The following DLG3 variants were observed in gnomAD, a reference collection of about 807,000 sequenced individuals.
DLG3 encodes the protein disks large homolog 3.
DLG3 carries 1 observed loss-of-function variant against 64.1 expected under a neutral mutation model. The ratio of observed to expected loss-of-function variants is 0.02; its 90% CI spans 0.01 to 0.07. The LOEUF (loss-of-function observed/expected upper bound fraction) is 0.07, where lower values mean the gene tolerates loss of function less well. Ranked by LOEUF, DLG3 falls within the 10% of genes least tolerant of loss-of-function variation. The pLI, the probability that DLG3 is intolerant of heterozygous loss-of-function variation, is 1.00. For missense variants in DLG3, 429 were observed against 669.5 expected (o/e 0.64, Z 3.96); for synonymous variants, 245 against 259.8 (o/e 0.94, Z 0.55).
In DLG3 at chrX:70,466,219, C is replaced by G. The variant is rs998752751; in HGVS notation, c.1405+11903C>G. On this transcript the variant is annotated intron_variant, in intron 9 of 18. Transcript: ENST00000374360. Reference sequence around the variant, plus strand: ...TTCTTTTGTTAATAATAGGGTTGAACATTTGTGTGCAAGTGTTTCTTGGTC... The same window carrying G: ...TTCTTTTGTTAATAATAGGGTTGAAGATTTGTGTGCAAGTGTTTCTTGGTC... Among the ~76,000 whole-genome samples the G allele has an allele frequency of 3.0e-5, 3 of 101,476 alleles. No individual in the cohort carries two copies. The East Asian group carries it at 9.4e-4, about 32-fold the overall frequency. The allele number at this position is 101,476 out of a possible 115,157, so 88.1% of individuals were successfully genotyped here.
chrX:70,497,335 CATGT>C (rs2087473971), intron 13 of DLG3: 1 of 765,889 alleles, frequency 1.3e-6, no homozygotes, highest in African/African-American at 2.0e-5. Context: ...TTCTTTTAGC[CATGT>C]ACACTTTGAG....
intron 10 of DLG3, among the ~76,000 whole-genome samples, chrX:70,489,277 T>C (rs765308344): frequency 8.9e-6 from 1 of 112,203 alleles, no homozygotes; most frequent in African/African-American, 3.2e-5. Flanking sequence ...GCTGTATGTG[T>C]TTTAATTTTT....
chrX:70,475,736 G>A (rs2087043828), intron 9 of DLG3, among the ~76,000 whole-genome samples: 1 of 112,447 alleles, frequency 8.9e-6, no homozygotes, highest in African/African-American at 3.2e-5. Context: ...ACCAACAGTG[G>A]TATCTTCTGG....
chrX:70,452,620 C>G (rs1373283187), intron 7 of DLG3: 2 of 1,182,191 alleles, frequency 1.7e-6, no homozygotes. Flanking sequence ...GAGAGAGGAG[C>G]TATGGAGAGG....
chrX:70,461,499 C>T (rs2086799600), intron 9 of DLG3, among the ~76,000 whole-genome samples: 1 of 109,719 alleles, frequency 9.1e-6, no homozygotes. Flanking sequence ...TTTGTGTGCT[C>T]GGGGGGTTTA....
At chrX:70,452,795 A>G (rs1420294572) in intron 7 of DLG3, 11 of 1,101,360 alleles carry the variant, frequency 1.0e-5, no homozygotes, top group Non-Finnish European at 1.3e-5. Flanking sequence ...TCCGGGACTC[A>G]GGGAGGGAGT....
At chrX:70,493,421 T>C in intron 12 of DLG3, 1 of 1,209,543 alleles carries the variant, frequency 8.3e-7, no homozygotes, top group Non-Finnish European at 1.1e-6. Context: ...CTCTCGAAAG[T>C]TTCCATTTTA....
chrX:70,492,091 T>C lies in DLG3; in HGVS notation c.1521-16T>C. The C allele has an allele frequency of 8.5e-7, 1 of 1,170,033 alleles. No individual in the cohort carries two copies. Among genetic ancestry groups the C allele is most frequent in the South Asian group, 1.9e-5 (1 of 52,868 alleles). ...TAGGGTTGGATGATCACTTCATCTT[T>C]CACTGTGCCTTTCAGGGCCCTGTTT... is the stretch of plus-strand genomic sequence containing the variant. On this transcript the variant is annotated splice_polypyrimidine_tract_variant and intron_variant, in intron 10 of 18. Coordinates refer to ENST00000374360, the MANE Select transcript of DLG3 (RefSeq NM_021120.4).
intron 10 of DLG3, among the ~76,000 whole-genome samples, chrX:70,487,837 G>T (rs1349833348): frequency 9.3e-6 from 1 of 107,674 alleles, no homozygotes; most frequent in Admixed American, 1.0e-4. Flanking sequence ...TTTTAGTAGA[G>T]ACAGGGTTTC....
At chrX:70,482,595 A>G (rs771924970) in intron 10 of DLG3, among the ~76,000 whole-genome samples, 28 of 108,821 alleles carry the variant, frequency 2.6e-4, no homozygotes, top group Non-Finnish European at 4.9e-4. Flanking sequence ...GCTAGTAAAA[A>G]TACAGATTCC....
In DLG3 at chrX:70,445,120, CGGCGGCGGCGGTGGTGGCGGCGGT is replaced by C. The variant is rs2086551435; in HGVS notation, c.-71_-48del. 3 of 792,273 alleles carry C rather than the reference CGGCGGCGGCGGTGGTGGCGGCGGT, an allele frequency of 3.8e-6. No homozygotes were observed. The highest frequency in any genetic ancestry group is 3.7e-5 in the East Asian group (1 of 26,784). 65.3% of individuals were successfully genotyped at this position (792,273 alleles called of 1,213,427 possible). A position where few individuals can be genotyped will look rare whatever the true frequency, so the allele number is the denominator to read the frequency against. ...GTGAGTGTGCCAGGGAGCCCGGCGG[CGGCGGCGGCGGTGGTGGCGGCGGT>C]GGCGGCGGCGTGGAATCCGGCGTGG... On this transcript the variant is annotated 5_prime_UTR_variant, in exon 1 of 19. Coordinates refer to ENST00000374360, the MANE Select transcript of DLG3 (RefSeq NM_021120.4).
chrX:70,473,894 T>C (rs2087012129), intron 9 of DLG3, among the ~76,000 whole-genome samples: 1 of 111,858 alleles, frequency 8.9e-6, no homozygotes, highest in African/African-American at 3.3e-5. Flanking sequence ...GTGCCCAAAC[T>C]TAGAAAATAT....
intron 1 of DLG3, 72 bp downstream of exon 1, chrX:70,445,630 G>A: frequency 4.0e-6 from 4 of 1,000,984 alleles, no homozygotes; most frequent in Admixed American, 2.6e-5. Flanking sequence ...AGAGGCCTGG[G>A]ATGCAGTAGG....
At chrX:70,493,557 C>A (rs1340917625) in intron 12 of DLG3, 1 of 865,710 alleles carries the variant, frequency 1.2e-6, no homozygotes. Context: ...CGAGAGAAGC[C>A]TGGGCAGGGC....
intron 9 of DLG3, among the ~76,000 whole-genome samples, chrX:70,471,417 C>T (rs2086967919): frequency 9.2e-6 from 1 of 108,399 alleles, no homozygotes; most frequent in South Asian, 4.2e-4. Flanking sequence ...GCAAGCTCCG[C>T]CTCCTGGGTT....
chrX:70,471,927 A>C (rs2086976581), intron 9 of DLG3, among the ~76,000 whole-genome samples: 1 of 111,508 alleles, frequency 9.0e-6, no homozygotes, highest in Non-Finnish European at 1.9e-5. Context: ...ATTCTGTCTT[A>C]CACTCCCAGA....
At chrX:70,473,777 A>G (rs2147828635) in intron 9 of DLG3, among the ~76,000 whole-genome samples, 1 of 110,569 alleles carries the variant, frequency 9.0e-6, no homozygotes, top group African/African-American at 3.3e-5. Flanking sequence ...AATTTTTTGT[A>G]GAATTGGGGT....
intron 12 of DLG3, among the ~76,000 whole-genome samples, chrX:70,495,011 C>T (rs2087428670): frequency 8.9e-6 from 1 of 112,054 alleles, no homozygotes; most frequent in Non-Finnish European, 1.9e-5. Context: ...ACCTGGGCTC[C>T]ACAACCAAAA....
intron 10 of DLG3, among the ~76,000 whole-genome samples, chrX:70,482,486 T>C (rs2087171664): frequency 9.0e-6 from 1 of 110,882 alleles, no homozygotes; most frequent in Non-Finnish European, 1.9e-5. Flanking sequence ...GTTAGATAGC[T>C]AAGAAGTTCA....
Sources: gnomAD v4.1 joint callset for allele counts (sites outside exome capture counted in the v4.1 genomes callset) on GRCh38, gnomAD v4.1.1 for gene constraint, MANE v1.5 for transcripts, NCBI Gene and HGNC (gene_info 2026-07-23, HGNC 2026-07-21) for gene names.